Variants in AOPEP observed in about 807,000 individuals in gnomAD.
The protein encoded by AOPEP is aminopeptidase O (putative).
In AOPEP, 77 loss-of-function variants were observed where a neutral mutation model predicts 98.1. The observed-to-expected ratio is 0.78, with a 90% CI of 0.65 to 0.95. The LOEUF is 0.95. AOPEP is among the 40% of genes least tolerant of loss of function. The pLI is 0.00. For synonymous variants in AOPEP, 346 were observed against 365.3 expected, an observed-to-expected ratio of 0.95 and a Z score of 0.60; for missense variants, 1,024 against 1,024.7, an observed-to-expected ratio of 1.00 and a Z score of 0.01.
At chr9:94,928,757 G>T in intron 7 of AOPEP, 1 of 475,064 alleles carries the variant, frequency 2.1e-6, no homozygotes, top group Admixed American at 4.0e-5. Flanking sequence ...CTAGCATGAG[G>T]CCATTTCCGG....
chr9:94,882,693 T>C (rs2047727362), intron 5 of AOPEP, among the ~76,000 whole-genome samples: 1 of 152,220 alleles, frequency 6.6e-6, no homozygotes, highest in Non-Finnish European at 1.5e-5. Context: ...GGAGAATCTC[T>C]TGAACGCAGA....
chr9:95,036,429 A>G (rs1029040002), intron 13 of AOPEP, among the ~76,000 whole-genome samples: 4 of 152,224 alleles, frequency 2.6e-5, no homozygotes, highest in African/African-American at 9.6e-5. Flanking sequence ...TGCCCTTTAA[A>G]TGACAAGAAT....
the AOPEP span, among the ~76,000 whole-genome samples, chr9:95,093,771 CTG>C: frequency 1.3e-5 from 2 of 152,186 alleles, no homozygotes; most frequent in Non-Finnish European, 2.9e-5. Flanking sequence ...GCTCGCTTCT[CTG>C]TGTCGATGGC....
chr9:94,941,017 GGTTACAAAT>G (rs887335931), intron 7 of AOPEP, among the ~76,000 whole-genome samples: 4 of 152,196 alleles, frequency 2.6e-5, no homozygotes, highest in African/African-American at 9.7e-5. Flanking sequence ...AAGAATGCCT[GGTTACAAAT>G]GTAGAGCACA....
At chr9:94,994,474 G>A (rs2061097192) in intron 11 of AOPEP, among the ~76,000 whole-genome samples, 1 of 152,158 alleles carries the variant, frequency 6.6e-6, no homozygotes, top group Non-Finnish European at 1.5e-5. Flanking sequence ...AACTCCGTAA[G>A]ACAGACATTG....
At chr9:94,926,312 G>A (rs1321214221) in intron 6 of AOPEP, among the ~76,000 whole-genome samples, 1 of 152,138 alleles carries the variant, frequency 6.6e-6, no homozygotes, top group Non-Finnish European at 1.5e-5. Context: ...AGGTCTGGGC[G>A]GGCCTGGAAA....
At chr9:94,878,048 G>T (rs1193277556) in intron 5 of AOPEP, among the ~76,000 whole-genome samples, 1 of 151,884 alleles carries the variant, frequency 6.6e-6, no homozygotes, top group African/African-American at 2.4e-5. Context: ...TTTGGCATTT[G>T]CCCACAAACC....
chr9:94,728,239 G>GCGCGCGCGCACACACACACA (rs113657409), intron 1 of AOPEP, among the ~76,000 whole-genome samples: 2 of 146,512 alleles, frequency 1.4e-5, no homozygotes, highest in African/African-American at 2.5e-5. Flanking sequence ...GTGCGCGCAT[G>GCGCGCGCGCACACACACACA]CACACACACA....
At position 94,792,778 on chromosome 9, in the gene AOPEP, G is replaced by T. The variant is rs770518043; in HGVS notation, c.978G>T (p.Trp326Cys). 1 of 1,610,284 alleles carries T rather than the reference G, an allele frequency of 6.2e-7. No individual in the cohort carries two copies. Among genetic ancestry groups the T allele is most frequent in the Non-Finnish European group, 8.5e-7 (1 of 1,177,684 alleles). Residue 326 changes from tryptophan to cysteine, a missense_variant, in exon 4 of 17, where the codon TGG becomes TGT. Coordinates refer to ENST00000375315, the MANE Select transcript of AOPEP (RefSeq NM_001193329.3). ...PTQLWEECSSWYYYVTMPMPA... is the reference protein window; with the variant it reads ...PTQLWEECSSCYYYVTMPMPA... The stretch of plus-strand genomic sequence containing the variant: ...TCCTGTTTACAGAGTGCTCAAGCTG[G>T]TATTACTATGTAACTATGCCAATGC...
intron 11 of AOPEP, among the ~76,000 whole-genome samples, chr9:94,993,278 T>C (rs2061006230): frequency 6.6e-6 from 1 of 152,222 alleles, no homozygotes. Flanking sequence ...AAAATATTTA[T>C]GCCCGTTGCC....
intron 7 of AOPEP, among the ~76,000 whole-genome samples, chr9:94,952,502 A>G (rs1210361486): frequency 6.6e-6 from 1 of 152,136 alleles, no homozygotes; most frequent in Non-Finnish European, 1.5e-5. Flanking sequence ...CTTGGATTTC[A>G]TTGACATGGA....
At chr9:95,020,807 A>G (rs990090954) in intron 13 of AOPEP, among the ~76,000 whole-genome samples, 3 of 148,052 alleles carry the variant, frequency 2.0e-5, no homozygotes, top group African/African-American at 7.4e-5. Flanking sequence ...GGTCCCAGCT[A>G]CTCAGGAGGC....
chr9:95,046,193 T>G (rs1262380411), intron 13 of AOPEP, among the ~76,000 whole-genome samples: 1 of 152,240 alleles, frequency 6.6e-6, no homozygotes, highest in South Asian at 2.1e-4. Context: ...GAGAACTGCT[T>G]ATCTGAAATG....
chr9:94,982,661 CG>C (rs1292348141), intron 11 of AOPEP, among the ~76,000 whole-genome samples: 1 of 150,996 alleles, frequency 6.6e-6, no homozygotes, highest in Non-Finnish European at 1.5e-5. Flanking sequence ...CTACACCTCC[CG>C]GGCTGCAGTG....
the AOPEP span, among the ~76,000 whole-genome samples, chr9:95,137,038 C>T: frequency 6.6e-6 from 1 of 152,126 alleles, no homozygotes; most frequent in Admixed American, 6.5e-5. Context: ...ATTCATTAAT[C>T]TCCCTCCTGT....
At chr9:94,920,138 A>T (rs1017316695) in intron 5 of AOPEP, 2 of 152,170 alleles carry the variant, frequency 1.3e-5, no homozygotes, top group Admixed American at 6.5e-5. Flanking sequence ...AGCCTGACCA[A>T]TATGAAGAAA....
intron 5 of AOPEP, among the ~76,000 whole-genome samples, chr9:94,888,646 A>G (rs775130134): frequency 6.6e-5 from 10 of 152,128 alleles, no homozygotes; most frequent in East Asian, 5.8e-4. Flanking sequence ...TAATAAGTCA[A>G]AGAAAGTTTT....
chr9:94,887,853 C>G (rs1330009969), intron 5 of AOPEP, among the ~76,000 whole-genome samples: 6 of 152,078 alleles, frequency 3.9e-5, no homozygotes, highest in Admixed American at 3.3e-4. Flanking sequence ...GAAACTAGGG[C>G]TGCGCATGTT....
Position 94,759,857 on chromosome 9 carries a change from A to G in AOPEP, c.74A>G (p.His25Arg). The G allele has an allele frequency of 2.5e-6, 4 of 1,614,188 alleles. No individual in the cohort carries two copies. The highest frequency in any genetic ancestry group is 1.7e-6 in the Non-Finnish European group (2 of 1,180,026). The stretch of plus-strand genomic sequence containing the variant: ...AACACCAGCCACATACTTGTGAAGC[A>G]CTATGTACTGGATTTGGATGTGGAT... ...MANTSHILVK[H>R]YVLDLDVDFE... The change falls in exon 2 of 17, where the codon CAC becomes CGC. Residue 25 changes from histidine (H) to arginine (R), a missense_variant. His to Arg is a conservative substitution (Grantham distance 29). Coordinates refer to ENST00000375315, the MANE Select transcript of AOPEP (RefSeq NM_001193329.3).
Sources: gnomAD v4.1 joint callset for allele counts (sites outside exome capture counted in the v4.1 genomes callset) on GRCh38, gnomAD v4.1.1 for gene constraint, MANE v1.5 for transcripts, NCBI Gene and HGNC (gene_info 2026-07-23, HGNC 2026-07-21) for gene names.